CCNK: variants seen among roughly 807,000 people sequenced by gnomAD.
The protein encoded by CCNK is cyclin K.
In CCNK, 9 loss-of-function variants were observed where a neutral mutation model predicts 65.0. That is an observed-to-expected ratio of 0.14 (90% confidence interval 0.08 to 0.24). The LOEUF is 0.24. CCNK is among the 10% of genes least tolerant of loss of function. The pLI, the probability that CCNK is intolerant of heterozygous loss-of-function variation, is 1.00. For missense variants in CCNK, 474 were observed against 720.0 expected (o/e 0.66, Z 3.91); for synonymous variants, 279 against 270.8 (o/e 1.03, Z -0.30).
In CCNK at chr14:99,503,662, T is replaced by C; in HGVS notation, c.1045+18T>C. ...AGCAGCAGGTAATTTCCTGTTCTGATGTTTTTTTAGTTTTATGTGTTTATA... is the reference window on the plus strand; with the variant it reads ...AGCAGCAGGTAATTTCCTGTTCTGACGTTTTTTTAGTTTTATGTGTTTATA... On this transcript the variant is annotated intron_variant, in intron 9 of 10. Coordinates refer to ENST00000389879, the MANE Select transcript of CCNK (RefSeq NM_001099402.2). 6.4e-7 allele frequency: 1 copy of C among 1,551,822 alleles called. No homozygotes were observed. The highest frequency in any genetic ancestry group is 8.7e-7 in the Non-Finnish European group (1 of 1,146,124).
Position 99,492,782 on chromosome 14 carries a change from C to T in CCNK, c.105C>T (p.Pro35=). 2 of 1,613,518 alleles carry T rather than the reference C, an allele frequency of 1.2e-6. No individual in the cohort carries two copies. The highest frequency in any genetic ancestry group is 1.1e-5 in the South Asian group (1 of 90,998). ...YWDKKDLAHT[P]SQLEGLDPAT... ...ATAAGAAAGACTTGGCTCATACACC[C>T]TCACAACTTGAAGGACTTGATCCAG... The change falls in exon 2 of 11, where the codon CCC becomes CCT. Residue 35 remains proline (P), a synonymous_variant. Coordinates refer to ENST00000389879, the MANE Select transcript of CCNK (RefSeq NM_001099402.2).
chr14:99,502,296 T>C lies in CCNK; in HGVS notation c.665T>C (p.Ile222Thr). 6.2e-7 allele frequency: 1 copy of C among 1,612,910 alleles called. No homozygotes were observed. Residue 222 changes from isoleucine (I) to threonine (T), a missense_variant, in exon 7 of 11, where the codon ATA becomes ACA. By Grantham distance (89) the Ile-to-Thr change is moderately conservative. Transcript: ENST00000389879. ...YLAGRLCKFEIQEWTSKPMYR... is the reference protein window; with the variant it reads ...YLAGRLCKFETQEWTSKPMYR... ...GCAGGACGTTTGTGCAAATTTGAAA[T>C]ACAAGAATGGACCTCCAAACCCATG...
chr14:99,503,356 A>C, intron 8 of CCNK: 2 of 602,650 alleles, frequency 3.3e-6, no homozygotes, highest in East Asian at 5.5e-5. Flanking sequence ...CCTGAAACTT[A>C]GTGTTTACTC....
In CCNK at chr14:99,511,411, G is replaced by T. The variant is rs1436857316; in HGVS notation, c.*629G>T. The T allele has an allele frequency of 1.3e-5, 2 of 152,490 alleles. No homozygotes were observed. Among genetic ancestry groups the T allele is most frequent in the East Asian group, 1.9e-4 (1 of 5,186 alleles). 9.4% of individuals were successfully genotyped at this position (152,490 alleles called of 1,614,324 possible). On this transcript the variant is annotated 3_prime_UTR_variant, in exon 11 of 11. Coordinates refer to ENST00000389879, the MANE Select transcript of CCNK (RefSeq NM_001099402.2). ...CTCTTTGCAAATTCCTGTACATAGA[G>T]ATATATTTTTTAAGTGTGAATGTAA...
intron 10 of CCNK, chr14:99,508,972 C>G (rs1897044169): frequency 6.6e-6 from 1 of 152,238 alleles, no homozygotes. Context: ...AGCCAGTTAT[C>G]TAAGGCCAGG....
chr14:99,501,024 C>A, intron 5 of CCNK, 153 bp downstream of exon 5: 1 of 623,186 alleles, frequency 1.6e-6, no homozygotes, highest in Non-Finnish European at 2.8e-6. Context: ...AGCATTGCAG[C>A]TGCTAATGCT....
intron 4 of CCNK, among the ~76,000 whole-genome samples, chr14:99,499,723 T>C (rs1401045324): frequency 6.6e-6 from 1 of 152,202 alleles, no homozygotes. Flanking sequence ...GACATTCCAT[T>C]AACGATAGCA....
intron 1 of CCNK, among the ~76,000 whole-genome samples, chr14:99,482,391 G>C (rs978820279): frequency 6.6e-6 from 1 of 152,338 alleles, no homozygotes; most frequent in Admixed American, 6.5e-5. Context: ...TCAGCGCCTA[G>C]AACACTGCCT....
intron 4 of CCNK, among the ~76,000 whole-genome samples, chr14:99,499,164 C>T (rs1223060279): frequency 6.6e-6 from 1 of 152,160 alleles, no homozygotes; most frequent in Non-Finnish European, 1.5e-5. Context: ...CTCAGCTTCC[C>T]AAGTAGGGGA....
rs1289919737 is a variant in CCNK at position 99,507,117 on chromosome 14, C to T, written c.1087C>T (p.Pro363Ser). The T allele has an allele frequency of 1.9e-6, 3 of 1,611,800 alleles. No homozygotes were observed. The highest frequency in any genetic ancestry group is 2.5e-6 in the Non-Finnish European group (3 of 1,178,060). The stretch of plus-strand genomic sequence containing the variant: ...AATCCCCAAAATTGAGACCACTCAT[C>T]CACCGTTGCCTCCAGCCCACCCACC... ...PKIPKIETTH[P>S]PLPPAHPPPD... Residue 363 changes from proline to serine, a missense_variant, in exon 10 of 11, where the codon CCA (proline) becomes TCA (serine). By Grantham distance (74) the Pro-to-Ser change is moderately conservative. Around this residue, in one of 6 missense-constraint regions of CCNK, gnomAD observed 229 missense variants for 275.5 expected, o/e 0.83. Coordinates refer to ENST00000389879, the MANE Select transcript of CCNK (RefSeq NM_001099402.2).
At chr14:99,493,069 GAGGAGGTGGCCAGCC>G in intron 2 of CCNK, 195 bp downstream of exon 2, 1 of 570,384 alleles carries the variant, frequency 1.8e-6, no homozygotes, top group African/African-American at 1.9e-5. Flanking sequence ...CTTAGCCACT[GAGGAGGTGGCCAGCC>G]AGGAGGATAT....
At chr14:99,507,410 A>G (rs1897002302) in intron 10 of CCNK, 1 of 457,532 alleles carries the variant, frequency 2.2e-6, no homozygotes, top group Admixed American at 3.4e-5. Context: ...GACCCTGTCT[A>G]AAAAATTAGC....
rs1166786014 is a variant in CCNK at position 99,511,378 on chromosome 14, G to A, written c.*596G>A. On this transcript the variant is annotated 3_prime_UTR_variant, in exon 11 of 11. Coordinates refer to ENST00000389879, the MANE Select transcript of CCNK (RefSeq NM_001099402.2). ...GAAATGTACTTGGAAATTAATGTAT[G>A]TTTACATCTCTTTGCAAATTCCTGT... is the stretch of plus-strand genomic sequence containing the variant. 1.3e-5 allele frequency: 2 copies of A among 152,110 alleles called. No individual in the cohort carries two copies. Among genetic ancestry groups the A allele is most frequent in the Non-Finnish European group, 2.9e-5 (2 of 67,982 alleles). 9.4% of individuals were successfully genotyped at this position (152,110 alleles called of 1,614,324 possible).
chr14:99,501,271 C>T, intron 5 of CCNK, 85 bp from the exon 6 acceptor site: 3 of 863,974 alleles, frequency 3.5e-6, no homozygotes, highest in Non-Finnish European at 5.9e-6. Flanking sequence ...TGGTGCTGAA[C>T]ACGTGGTAGG....
chr14:99,503,896 A>G (rs967584680), intron 9 of CCNK: 5 of 509,458 alleles, frequency 9.8e-6, no homozygotes, highest in African/African-American at 9.8e-5. Flanking sequence ...CATATATAAA[A>G]GTATAATTAT....
intron 8 of CCNK, chr14:99,503,348 T>C: frequency 1.7e-6 from 1 of 601,562 alleles, no homozygotes; most frequent in Non-Finnish European, 3.0e-6. Context: ...CAAGTGGTCC[T>C]GAAACTTAGT....
At chr14:99,509,599 A>T (rs1187553023) in intron 10 of CCNK, 2 of 160,514 alleles carry the variant, frequency 1.2e-5, no homozygotes, top group Non-Finnish European at 2.7e-5. Flanking sequence ...GCTATCTGAG[A>T]GCACACAGTG....
intron 4 of CCNK, among the ~76,000 whole-genome samples, chr14:99,499,184 C>T (rs1896766247): frequency 6.6e-6 from 1 of 152,160 alleles, no homozygotes; most frequent in Non-Finnish European, 1.5e-5. Flanking sequence ...ACTACAGGCG[C>T]CTGCCACCAT....
At chr14:99,497,162 T>TA (rs1896720290) in intron 4 of CCNK, among the ~76,000 whole-genome samples, 1 of 152,140 alleles carries the variant, frequency 6.6e-6, no homozygotes. Context: ...GGTTTGGACA[T>TA]ACGTATAGTA....
Sources: gnomAD v4.1 joint callset for allele counts (sites outside exome capture counted in the v4.1 genomes callset) on GRCh38, gnomAD v4.1.1 for gene constraint, gnomAD v4.1.1 regional missense constraint, MANE v1.5 for transcripts, NCBI Gene and HGNC (gene_info 2026-07-23, HGNC 2026-07-21) for gene names.